The following MNAT1 variants were observed in gnomAD, a reference collection of about 807,000 sequenced individuals.
MNAT1 encodes MNAT1 component of CDK activating kinase.
Under a neutral mutation model 42.0 loss-of-function variants are expected in MNAT1, and 43 were observed. That is an observed-to-expected ratio of 1.02 (90% CI 0.80 to 1.32). The LOEUF (loss-of-function observed/expected upper bound fraction) is 1.32. MNAT1 is among the 40% of genes most tolerant of loss of function. The pLI is 0.00. For missense variants in MNAT1, 306 were observed against 350.4 expected (o/e 0.87, Z 1.01); for synonymous variants, 118 against 120.0 (o/e 0.98, Z 0.11).
chr14:60,775,958 AGT>A (rs1385072121), intron 1 of MNAT1, among the ~76,000 whole-genome samples: 2 of 152,278 alleles, frequency 1.3e-5, no homozygotes, highest in South Asian at 2.1e-4. Flanking sequence ...TGTTAATTTT[AGT>A]GTGAATAATT....
intron 7 of MNAT1, among the ~76,000 whole-genome samples, chr14:60,890,359 A>C (rs752407227): frequency 1.3e-5 from 2 of 152,196 alleles, no homozygotes; most frequent in Non-Finnish European, 2.9e-5. Context: ...CATCTGAGAT[A>C]CTGGCTTTTA....
intron 6 of MNAT1, among the ~76,000 whole-genome samples, chr14:60,855,002 T>C (rs2033918465): frequency 6.6e-6 from 1 of 152,144 alleles, no homozygotes; most frequent in Non-Finnish European, 1.5e-5. Flanking sequence ...CTTTCTTTCA[T>C]ATATGCCCTG....
Position 60,831,890 on chromosome 14 carries a change from T to C in MNAT1, c.687+13043T>C, listed in dbSNP as rs547458671. Among the ~76,000 whole-genome samples the C allele has an allele frequency of 5.9e-5, 9 of 152,366 alleles. No individual in the cohort carries two copies. The East Asian group carries it at 1.7e-3, about 29-fold the overall frequency. On this transcript the variant is annotated intron_variant, in intron 6 of 7. Coordinates refer to ENST00000261245, the MANE Select transcript of MNAT1 (RefSeq NM_002431.4). ...CCATTCTAACTGGCATGAGATGGTA[T>C]CTCATTGTGGTTTTGATTTGCATTT...
intron 6 of MNAT1, among the ~76,000 whole-genome samples, chr14:60,877,357 CA>C (rs1330712077): frequency 5.6e-4 from 85 of 152,180 alleles, no homozygotes; most frequent in African/African-American, 1.9e-3. Context: ...GATGATGCTA[CA>C]TACTATTGAA....
At chr14:60,829,260 T>C (rs1332969627) in intron 6 of MNAT1, among the ~76,000 whole-genome samples, 1 of 152,154 alleles carries the variant, frequency 6.6e-6, no homozygotes, top group Non-Finnish European at 1.5e-5. Context: ...TTTTAGGAGA[T>C]GAGTACCAGG....
chr14:60,883,755 G>A (rs1958279), intron 7 of MNAT1, among the ~76,000 whole-genome samples: 97,857 of 151,776 alleles, frequency 0.64, 31,865 homozygotes, highest in Admixed American at 0.71. Flanking sequence ...AATTTTTTGC[G>A]TCAGTATTTT....
intron 1 of MNAT1, among the ~76,000 whole-genome samples, chr14:60,782,082 G>T (rs1188614428): frequency 1.3e-5 from 2 of 151,338 alleles, no homozygotes; most frequent in African/African-American, 4.9e-5. Context: ...TTTACCTAAA[G>T]AATATGAAAA....
intron 1 of MNAT1, among the ~76,000 whole-genome samples, chr14:60,747,872 A>C (rs1469208198): frequency 1.3e-5 from 2 of 152,182 alleles, no homozygotes; most frequent in East Asian, 3.8e-4. Context: ...TTATGTCCTT[A>C]TTCTATAAGA....
intron 3 of MNAT1, among the ~76,000 whole-genome samples, chr14:60,799,853 C>T (rs1411505864): frequency 6.6e-6 from 1 of 152,032 alleles, no homozygotes; most frequent in Non-Finnish European, 1.5e-5. Flanking sequence ...TGGGGGTATA[C>T]AACATGTAAT....
intron 1 of MNAT1, among the ~76,000 whole-genome samples, chr14:60,752,114 T>A (rs1225017252): frequency 2.0e-5 from 3 of 152,214 alleles, no homozygotes; most frequent in Non-Finnish European, 4.4e-5. Context: ...AAAATCATCA[T>A]ATTTTGGTAC....
At chr14:60,762,159 A>G (rs183167376) in intron 1 of MNAT1, among the ~76,000 whole-genome samples, 19 of 152,272 alleles carry the variant, frequency 1.2e-4, no homozygotes, top group African/African-American at 3.9e-4. Context: ...GATTTGAGTC[A>G]GTGACTTGAA....
rs966404444 is a variant in MNAT1 at position 60,901,821 on chromosome 14, G to A, written c.809+21986G>A. On this transcript the variant is annotated intron_variant, in intron 7 of 7. Transcript: ENST00000261245. ...ATGAGAAACTGACTCTCAGGGATGA[G>A]TAAAGAAAGTGGTTTCTTGAGATGG... 1.8e-4 allele frequency among the ~76,000 whole-genome samples: 28 copies of A among 152,314 alleles called. 1 individual carries two copies. The highest frequency in any genetic ancestry group is 6.8e-3 in the Middle Eastern group (2 of 294).
At chr14:60,779,216 T>C (rs72722248) in intron 1 of MNAT1, among the ~76,000 whole-genome samples, 4,146 of 152,316 alleles carry the variant, frequency 0.027, 78 homozygotes, top group Non-Finnish European at 0.043. Context: ...ATATGTCTCA[T>C]GGTGTTCCTA....
At chr14:60,897,899 C>G (rs1056799856) in intron 7 of MNAT1, among the ~76,000 whole-genome samples, 1 of 151,944 alleles carries the variant, frequency 6.6e-6, no homozygotes, top group Non-Finnish European at 1.5e-5. Context: ...TTTTCCTTTC[C>G]GCCCTCACAC....
At chr14:60,841,386 G>T (rs551135965) in intron 6 of MNAT1, among the ~76,000 whole-genome samples, 9 of 151,662 alleles carry the variant, frequency 5.9e-5, no homozygotes, top group African/African-American at 2.2e-4. Context: ...TTAAAATTGT[G>T]TGTGTTTTTA....
intron 6 of MNAT1, among the ~76,000 whole-genome samples, chr14:60,828,384 TAG>T (rs1332562217): frequency 6.6e-6 from 1 of 152,142 alleles, no homozygotes; most frequent in Non-Finnish European, 1.5e-5. Context: ...TGATTGAAGG[TAG>T]AGTTTGTGAC....
At chr14:60,882,015 G>A (rs1224218067) in intron 7 of MNAT1, among the ~76,000 whole-genome samples, 1 of 152,012 alleles carries the variant, frequency 6.6e-6, no homozygotes, top group Non-Finnish European at 1.5e-5. Context: ...CAAAATAATA[G>A]CTGGGTATGG....
chr14:60,819,834 C>T (rs1054640167), intron 6 of MNAT1, among the ~76,000 whole-genome samples: 3 of 151,942 alleles, frequency 2.0e-5, no homozygotes, highest in African/African-American at 2.4e-5. Flanking sequence ...ATCTGTGGAA[C>T]GGTGATGATA....
intron 1 of MNAT1, chr14:60,779,924 C>T (rs927824005): frequency 1.8e-6 from 2 of 1,136,974 alleles, no homozygotes; most frequent in Non-Finnish European, 2.6e-6. Flanking sequence ...GGTTGCTGTC[C>T]GTGTAGTGAA....
Sources: gnomAD v4.1 joint callset for allele counts (sites outside exome capture counted in the v4.1 genomes callset) on GRCh38, gnomAD v4.1.1 for gene constraint, MANE v1.5 for transcripts, NCBI Gene and HGNC (gene_info 2026-07-23, HGNC 2026-07-21) for gene names.